Variants in NFASC observed in about 807,000 individuals in gnomAD.
The protein encoded by NFASC is neurofascin homolog.
Under a neutral mutation model 147.5 loss-of-function variants are expected in NFASC, and 43 were observed. That is an observed-to-expected ratio of 0.29 (90% CI 0.23 to 0.38). NFASC has a LOEUF of 0.38. Ranked by LOEUF, NFASC falls within the 10% of genes least tolerant of loss-of-function variation. The pLI is 1.00. For missense variants in NFASC, 1,320 were observed against 1,689.0 expected, an observed-to-expected ratio of 0.78 and a Z score of 3.83; for synonymous variants, 622 against 665.5, an observed-to-expected ratio of 0.93 and a Z score of 1.01.
At chr1:204,844,950 G>A (rs766476138) in intron 1 of NFASC, among the ~76,000 whole-genome samples, 4 of 152,040 alleles carry the variant, frequency 2.6e-5, no homozygotes, top group Non-Finnish European at 2.9e-5. Context: ...CCAAGTCTGC[G>A]TTTAGCTTCC....
intron 1 of NFASC, among the ~76,000 whole-genome samples, chr1:204,860,621 G>A (rs867696350): frequency 6.6e-6 from 1 of 152,354 alleles, no homozygotes; most frequent in South Asian, 2.1e-4. Context: ...CCGTTTTAAA[G>A]TATGCAATTC....
rs144049714 is a variant in NFASC at position 204,968,883 on chromosome 1, C to T, written c.904C>T (p.Arg302Cys). Residue 302 changes from arginine to cysteine, a missense_variant, in exon 10 of 30, where the codon CGT (arginine) becomes TGT (cysteine). By Grantham distance (180) the Arg-to-Cys change is radical. Transcript: ENST00000339876. This position sits in a 1 kb window ranked among gnomAD's most constrained non-coding sequence, Gnocchi z 5.4. Reference sequence around the variant, plus strand: ...GTTTGAGAACTTTAATAAGGCCCTGCGTATCACAAATGTCTCTGAGGAAGA... The same window carrying T: ...GTTTGAGAACTTTAATAAGGCCCTGTGTATCACAAATGTCTCTGAGGAAGA... ...AKFENFNKAL[R>C]ITNVSEEDSG... The T allele has an allele frequency of 2.2e-5, 35 of 1,613,754 alleles. No individual in the cohort carries two copies. The highest frequency in any genetic ancestry group is 5.3e-5 in the African/African-American group (4 of 74,880).
At chr1:204,974,613 G>T (rs1005612850) in intron 13 of NFASC, 44 bp from the exon 14 acceptor site, 9 of 1,610,360 alleles carry the variant, frequency 5.6e-6, no homozygotes, top group African/African-American at 1.3e-5. Context: ...CCCTTGGGCT[G>T]GTCCTGTCTC....
At chr1:204,863,500 A>G (rs1482165127) in intron 1 of NFASC, among the ~76,000 whole-genome samples, 1 of 152,200 alleles carries the variant, frequency 6.6e-6, no homozygotes, top group African/African-American at 2.4e-5. Context: ...TATATTCACA[A>G]TGTTGTGTAA....
intron 1 of NFASC, among the ~76,000 whole-genome samples, chr1:204,839,687 A>G (rs536364757): frequency 1.3e-5 from 2 of 152,208 alleles, no homozygotes; most frequent in Non-Finnish European, 2.9e-5. Context: ...CATGGTGAAG[A>G]GCACTTAGAA....
At chr1:204,860,676 A>C (rs545541071) in intron 1 of NFASC, among the ~76,000 whole-genome samples, 1 of 152,234 alleles carries the variant, frequency 6.6e-6, no homozygotes, top group African/African-American at 2.4e-5. Flanking sequence ...CACCACCACT[A>C]TCTAATTCCT....
In NFASC at chr1:204,922,093, C is replaced by T. The variant is rs528762086; in HGVS notation, c.-91+1353C>T. ...GGAGTATGATTGCAAAAGCGGTGTA[C>T]CCATTTATTTAAACGGGTACGAAGT... On this transcript the variant is annotated intron_variant, in intron 2 of 29. Transcript: ENST00000339876. Among the ~76,000 whole-genome samples the T allele has an allele frequency of 4.5e-4, 69 of 152,220 alleles. 1 individual carries two copies. The highest frequency in any genetic ancestry group is 3.3e-3 in the South Asian group (16 of 4,820).
chr1:204,964,585 C>G (rs1434197951), intron 8 of NFASC, among the ~76,000 whole-genome samples: 1 of 152,208 alleles, frequency 6.6e-6, no homozygotes, highest in East Asian at 1.9e-4. Flanking sequence ...GAGAAATTTC[C>G]TGGTACTGAA....
rs2095615194 is a variant in NFASC, at chr1:204,986,371, C to T, written c.2471-1047C>T. Among the ~76,000 whole-genome samples the T allele has an allele frequency of 6.6e-6, 1 of 152,242 alleles. No individual in the cohort carries two copies. Among genetic ancestry groups the T allele is most frequent in the South Asian group, 2.1e-4 (1 of 4,832 alleles). ...CTGACATAATTCCAGACGGGTTATG[C>T]AGACTGATCCCCGAGGGCACGGCGG... On this transcript the variant is annotated intron_variant, in intron 21 of 29. Coordinates refer to ENST00000339876, the MANE Select transcript of NFASC (RefSeq NM_001005388.3). This position sits in a 1 kb window ranked among gnomAD's most constrained non-coding sequence, Gnocchi z 4.2.
Position 205,001,304 on chromosome 1 carries a change from G to C in NFASC, c.3136+18G>C. The C allele has an allele frequency of 6.5e-7, 1 of 1,537,088 alleles. No individual in the cohort carries two copies. Among genetic ancestry groups the C allele is most frequent in the East Asian group, 2.3e-5 (1 of 43,902 alleles). ...CATCGACAGTAAGCATTGCTGTGCG[G>C]GGTGGTGGTGGCGGCAGCGGCGTCG... On this transcript the variant is annotated intron_variant, in intron 26 of 29. Coordinates refer to ENST00000339876, the MANE Select transcript of NFASC (RefSeq NM_001005388.3).
At chr1:204,992,637 T>C (rs2095760131) in intron 24 of NFASC, among the ~76,000 whole-genome samples, 1 of 152,158 alleles carries the variant, frequency 6.6e-6, no homozygotes, top group Non-Finnish European at 1.5e-5. Context: ...GGGGCCTCCC[T>C]GACTTCCTGC....
intron 22 of NFASC, 126 bp from the exon 23 acceptor site, chr1:204,988,507 C>G: frequency 2.4e-6 from 2 of 821,438 alleles, no homozygotes; most frequent in Non-Finnish European, 4.0e-6. Context: ...TTTAAGATCA[C>G]CAGGCAGGTG....
At chr1:204,919,691 C>A (rs2090062264) in intron 1 of NFASC, among the ~76,000 whole-genome samples, 1 of 151,914 alleles carries the variant, frequency 6.6e-6, no homozygotes, top group Non-Finnish European at 1.5e-5. Context: ...TGCAGTTGCG[C>A]AATCTTGGCT....
rs1257304021 is a variant in NFASC, at chr1:204,987,685, ATAG to A, written c.2593+146_2593+148del. On this transcript the variant is annotated intron_variant, in intron 22 of 29. Coordinates refer to ENST00000339876, the MANE Select transcript of NFASC (RefSeq NM_001005388.3). This position sits in a 1 kb window ranked among gnomAD's most constrained non-coding sequence, Gnocchi z 4.4. ...GGAGGGGCCAACGAAACAGTTCCCA[ATAG>A]GATTAGGGGAGGCAGATGGGACTCA... 2.2e-6 allele frequency: 2 copies of A among 899,404 alleles called. No individual in the cohort carries two copies. The highest frequency in any genetic ancestry group is 3.5e-6 in the Non-Finnish European group (2 of 572,062). 55.7% of individuals were successfully genotyped at this position (899,404 alleles called of 1,614,324 possible).
chr1:204,866,943 G>A (rs924942460), intron 1 of NFASC, among the ~76,000 whole-genome samples: 3 of 152,174 alleles, frequency 2.0e-5, no homozygotes, highest in African/African-American at 7.2e-5. Context: ...CCTGGAGGAG[G>A]TGGCATTGGT....
At chr1:204,924,825 C>T (rs2091191900) in intron 2 of NFASC, among the ~76,000 whole-genome samples, 1 of 152,150 alleles carries the variant, frequency 6.6e-6, no homozygotes, top group Non-Finnish European at 1.5e-5. Context: ...ATCAGTATAC[C>T]AGCTGTAACT....
intron 29 of NFASC, among the ~76,000 whole-genome samples, chr1:205,013,531 A>G (rs900201547): frequency 6.6e-6 from 1 of 152,184 alleles, no homozygotes; most frequent in South Asian, 2.1e-4. Context: ...GCAAAGCTGG[A>G]AAGGCCAGGT....
In NFASC at chr1:204,975,268, C is replaced by T. The variant is rs765125308; in HGVS notation, c.1559-3C>T. 33 of 1,608,722 alleles carry T rather than the reference C, an allele frequency of 2.1e-5. No individual in the cohort carries two copies. The highest frequency in any genetic ancestry group is 2.7e-5 in the Non-Finnish European group (32 of 1,176,650). Reference sequence around the variant, plus strand: ...GTGGCGAGTGCTCTGGGCTTCTCCACAGACCCCACCAGGATCTACCGGATG... The same window carrying T: ...GTGGCGAGTGCTCTGGGCTTCTCCATAGACCCCACCAGGATCTACCGGATG... On this transcript the variant is annotated splice_polypyrimidine_tract_variant and splice_region_variant and intron_variant, in intron 14 of 29. Transcript: ENST00000339876. This position sits in a 1 kb window ranked among gnomAD's most constrained non-coding sequence, Gnocchi z 4.0.
chr1:204,974,576 G>T (rs2095353496), intron 13 of NFASC, 81 bp from the exon 14 acceptor site: 1 of 1,486,858 alleles, frequency 6.7e-7, no homozygotes, highest in African/African-American at 1.4e-5. Context: ...AGCCCCCATG[G>T]TCTCTCTTGA....
Sources: allele counts gnomAD v4.1 joint callset (sites outside exome capture counted in the v4.1 genomes callset), GRCh38; gene constraint gnomAD v4.1.1; non-coding constraint Gnocchi (gnomAD v3.1); transcripts MANE v1.5; gene names NCBI Gene and HGNC (gene_info 2026-07-23, HGNC 2026-07-21).